NID2: variants seen among roughly 807,000 people sequenced by gnomAD.
NID2 encodes the protein nidogen 2.
A neutral mutation model predicts 145.4 loss-of-function variants in NID2; 83 were observed. The ratio of observed to expected loss-of-function variants is 0.57; its 90% CI spans 0.48 to 0.69. NID2 has a LOEUF of 0.69. Among genes scored for constraint, NID2 ranks in the 30% least tolerant of loss-of-function variants. NID2 has a pLI of 0.00. For synonymous variants in NID2, 739 were observed against 701.3 expected (o/e 1.05, Z -0.85); for missense variants, 1,807 against 1,765.7 (o/e 1.02, Z -0.42).
intron 5 of NID2, among the ~76,000 whole-genome samples, chr14:52,048,420 T>G (rs1892579247): frequency 1.3e-5 from 2 of 152,110 alleles, no homozygotes; most frequent in Admixed American, 1.3e-4. Flanking sequence ...GGAATTGCAG[T>G]GAAATTCAAA....
At chr14:52,024,754 G>A (rs76412870) in intron 12 of NID2, among the ~76,000 whole-genome samples, 2,996 of 151,992 alleles carry the variant, frequency 0.02, 39 homozygotes, top group Non-Finnish European at 0.032. Context: ...AATAAAATAG[G>A]GACAATTGAA....
Position 52,068,104 on chromosome 14 carries a change from G to C in NID2, c.288C>G (p.Asp96Glu), listed in dbSNP as rs777994594. Residue 96 changes from aspartate (D) to glutamate (E), a missense_variant, in exon 2 of 22, where the codon GAC becomes GAG. Transcript: ENST00000216286. ...CCGGGAAGTCGGTGGGGAAATCATA[G>C]TCCACATACTGCGTTTCCCTGGGGA... ...QDFPRETQYVDYDFPTDFPAI... is the reference protein window; with the variant it reads ...QDFPRETQYVEYDFPTDFPAI... 6.8e-6 allele frequency: 11 copies of C among 1,613,542 alleles called. No individual in the cohort carries two copies. The South Asian group carries it at 7.7e-5, about 11-fold the overall frequency.
chr14:52,032,415 T>C (rs1891900244), intron 9 of NID2, among the ~76,000 whole-genome samples: 1 of 152,152 alleles, frequency 6.6e-6, no homozygotes. Context: ...GGAGGTCCGT[T>C]CCTCTGGATC....
rs1294016911 is a variant in NID2, at chr14:52,015,081, G to A, written c.3223C>T (p.Arg1075Cys). The A allele has an allele frequency of 5.6e-6, 9 of 1,613,794 alleles. No individual in the cohort carries two copies. The East Asian group carries it at 8.9e-5, about 16-fold the overall frequency. The change falls in exon 15 of 22, where the codon CGC becomes TGC. Residue 1075 changes from arginine to cysteine, a missense_variant. Coordinates refer to ENST00000216286, the MANE Select transcript of NID2 (RefSeq NM_007361.4). ...DKDGREVQGTRSQPGTTPACI... is the reference protein window; with the variant it reads ...DKDGREVQGTCSQPGTTPACI... ...GCAGGGGTGGTGCCTGGCTGGGAGCGGGTGCCCTGCACCTCTCTGCCATCT... is the reference window on the plus strand; with the variant it reads ...GCAGGGGTGGTGCCTGGCTGGGAGCAGGTGCCCTGCACCTCTCTGCCATCT...
rs550498106 is a variant in NID2 at position 52,013,099 on chromosome 14, G to A, written c.3420+1188C>T. Among the ~76,000 whole-genome samples, 28 of 152,290 alleles carry A rather than the reference G, an allele frequency of 1.8e-4. 1 individual carries two copies. The highest frequency in any genetic ancestry group is 6.7e-4 in the African/African-American group (28 of 41,556). ...CATTCAAATGAGCTTCCATTAACCC[G>A]GGAATCATGGGATTCATAAACCCAT... On this transcript the variant is annotated intron_variant, in intron 16 of 21. Transcript: ENST00000216286.
Position 52,068,048 on chromosome 14 carries a change from G to C in NID2, c.344C>G (p.Thr115Arg), listed in dbSNP as rs752534254. ...AIAPFLADID[T>R]SHGRGRVLYR... The stretch of plus-strand genomic sequence containing the variant: ...CAGGACTCGGCCTCTGCCGTGGCTC[G>C]TGTCGATGTCCGCCAGAAAAGGGGC... Residue 115 changes from threonine (T) to arginine (R), a missense_variant, in exon 2 of 22, where the codon ACG becomes AGG. By Grantham distance (71) the Thr-to-Arg change is moderately conservative (BLOSUM62 -1). Transcript: ENST00000216286. 14 of 1,613,556 alleles carry C rather than the reference G, an allele frequency of 8.7e-6. No individual in the cohort carries two copies. Among genetic ancestry groups the C allele is most frequent in the Non-Finnish European group, 1.2e-5 (14 of 1,179,880 alleles).
At position 52,028,917 on chromosome 14, in the gene NID2, A is replaced by G. The variant is rs1023121012; in HGVS notation, c.2402-67T>C. ...GGTCCCAGAAGTGGAGGGTCTAAAA[A>G]CTCAATGTTTTCTCACTAGTATGAT... On this transcript the variant is annotated intron_variant, in intron 10 of 21. Coordinates refer to ENST00000216286, the MANE Select transcript of NID2 (RefSeq NM_007361.4). 5.2e-6 allele frequency: 8 copies of G among 1,540,458 alleles called. No homozygotes were observed. In the African/African-American group the frequency reaches 1.1e-4, roughly 21 times the overall value.
At chr14:52,026,972 G>A (rs917224858) in intron 12 of NID2, among the ~76,000 whole-genome samples, 1 of 152,222 alleles carries the variant, frequency 6.6e-6, no homozygotes, top group African/African-American at 2.4e-5. Context: ...GAGTGCTACA[G>A]GAACGTCTCC....
In NID2 at chr14:52,028,855, G is replaced by C; in HGVS notation, c.2402-5C>G. 6.2e-7 allele frequency: 1 copy of C among 1,612,210 alleles called. No homozygotes were observed. The highest frequency in any genetic ancestry group is 2.2e-5 in the East Asian group (1 of 44,834). ...CAGTTGCACATTCATTTTCATCTAA[G>C]AAGAAATGAGAAGAGAAAAATTCTG... On this transcript the variant is annotated splice_polypyrimidine_tract_variant and splice_region_variant and intron_variant, in intron 10 of 21. Coordinates refer to ENST00000216286, the MANE Select transcript of NID2 (RefSeq NM_007361.4).
chr14:52,039,446 C>T (rs537752302), intron 8 of NID2, among the ~76,000 whole-genome samples: 3 of 152,358 alleles, frequency 2.0e-5, no homozygotes, highest in African/African-American at 7.2e-5. Flanking sequence ...GAAGTGACGA[C>T]TTCCAACACC....
chr14:52,059,544 C>T (rs2140429918), intron 3 of NID2, among the ~76,000 whole-genome samples: 1 of 152,344 alleles, frequency 6.6e-6, no homozygotes, highest in African/African-American at 2.4e-5. Flanking sequence ...GCTAAGTAAG[C>T]CCTCTGGATC....
rs574185549 is a variant in NID2 at position 52,043,450 on chromosome 14, G to A, written c.1430-519C>T. Among the ~76,000 whole-genome samples the A allele has an allele frequency of 1.1e-4, 16 of 152,254 alleles. No individual in the cohort carries two copies. The South Asian group carries it at 1.9e-3, about 18-fold the overall frequency. ...GAGGGAAGGGTCTTAAAGAACACAC[G>A]CACCTACCTCAAAGAAAAGGCATGG... On this transcript the variant is annotated intron_variant, in intron 5 of 21. Coordinates refer to ENST00000216286, the MANE Select transcript of NID2 (RefSeq NM_007361.4).
chr14:52,059,994 G>A, intron 3 of NID2, 130 bp downstream of exon 3: 1 of 593,726 alleles, frequency 1.7e-6, no homozygotes, highest in East Asian at 2.8e-5. Context: ...TAGTTCCTTG[G>A]TTTTGACTTG....
chr14:52,015,394 G>T, intron 14 of NID2, 119 bp from the exon 15 acceptor site: 2 of 934,748 alleles, frequency 2.1e-6, no homozygotes, highest in Middle Eastern at 3.0e-4. Context: ...CTACTGTCCA[G>T]GTCTCAGCCA....
At chr14:52,029,885 GC>G (rs34933243) in intron 9 of NID2, among the ~76,000 whole-genome samples, 195 bp from the exon 10 acceptor site, 9,018 of 152,260 alleles carry the variant, frequency 0.059, 344 homozygotes, top group Middle Eastern at 0.13. Flanking sequence ...GCTTCCTATT[GC>G]CTACCCTATA....
chr14:52,040,800 G>A lies in NID2; in HGVS notation c.1877C>T (p.Thr626Met), dbSNP rs778269654. 1.5e-5 allele frequency: 24 copies of A among 1,614,008 alleles called. No homozygotes were observed. Among genetic ancestry groups the A allele is most frequent in the East Asian group, 2.2e-5 (1 of 44,888 alleles). Residue 626 changes from threonine to methionine, a missense_variant, in exon 8 of 22, where the codon ACG becomes ATG. Transcript: ENST00000216286. ...MEVTFYPGEETVRITQTAEGL... is the reference protein window; with the variant it reads ...MEVTFYPGEEMVRITQTAEGL... ...CTCAGCAGTTTGAGTGATACGAACC[G>A]TCTCCTCTCCCGGGTAGAATGTAAC...
chr14:52,021,958 T>A (rs967604301), intron 12 of NID2, among the ~76,000 whole-genome samples: 1 of 152,148 alleles, frequency 6.6e-6, no homozygotes, highest in African/African-American at 2.4e-5. Context: ...CCTGTAAAAA[T>A]TAACATTCAG....
At chr14:52,060,065 G>A in intron 3 of NID2, 59 bp downstream of exon 3, 1 of 1,231,450 alleles carries the variant, frequency 8.1e-7, no homozygotes, top group Non-Finnish European at 1.2e-6. Flanking sequence ...TTGTGTTCAG[G>A]TACTTCCTAA....
intron 3 of NID2, among the ~76,000 whole-genome samples, chr14:52,057,743 TAAAC>T (rs1233443925): frequency 2.0e-5 from 3 of 147,750 alleles, no homozygotes; most frequent in Admixed American, 1.3e-4. Flanking sequence ...GAAAAAAATG[TAAAC>T]AAACAAAAAA....
Sources: gnomAD v4.1 joint callset for allele counts (sites outside exome capture counted in the v4.1 genomes callset) on GRCh38, gnomAD v4.1.1 for gene constraint, MANE v1.5 for transcripts, NCBI Gene and HGNC (gene_info 2026-07-23, HGNC 2026-07-21) for gene names.